The following DNAJA2 variants were observed in gnomAD, a reference collection of about 807,000 sequenced individuals.
DNAJA2 encodes the protein dnaJ homolog subfamily A member 2.
In DNAJA2, 6 loss-of-function variants were observed where a neutral mutation model predicts 49.3. The observed-to-expected ratio is 0.12, with a 90% CI of 0.07 to 0.24. The LOEUF (loss-of-function observed/expected upper bound fraction) is 0.24. Ranked by LOEUF, DNAJA2 falls within the 10% of genes least tolerant of loss-of-function variation. DNAJA2 has a pLI of 1.00. For synonymous variants in DNAJA2, 160 were observed against 172.7 expected, an observed-to-expected ratio of 0.93 and a Z score of 0.58; for missense variants, 347 against 516.8, an observed-to-expected ratio of 0.67 and a Z score of 3.19.
intron 5 of DNAJA2, among the ~76,000 whole-genome samples, chr16:46,967,236 C>T (rs1209799115): frequency 6.6e-6 from 1 of 151,896 alleles, no homozygotes; most frequent in Non-Finnish European, 1.5e-5. Context: ...ACAGACATGC[C>T]CTGAGCCCCT....
At position 46,968,294 on chromosome 16, in the gene DNAJA2, A is replaced by T. The variant is rs1486552519; in HGVS notation, c.363-130T>A. On this transcript the variant is annotated intron_variant, in intron 3 of 8. Transcript: ENST00000317089. ...GAATTCAAAAACACCTCATAATCTC[A>T]CATTAAATCAATTAAACTGAGGCTT... 3 of 589,738 alleles carry T rather than the reference A, an allele frequency of 5.1e-6. No individual in the cohort carries two copies. The African/African-American group carries it at 5.8e-5, about 11-fold the overall frequency. The allele number at this position is 589,738 out of a possible 1,614,324, so 36.5% of individuals were successfully genotyped here. A position where few individuals can be genotyped will look rare whatever the true frequency, so the allele number is the denominator to read the frequency against.
rs1281927089 is a variant in DNAJA2 at position 46,973,641 on chromosome 16, G to A, written c.-69C>T. The A allele has an allele frequency of 6.6e-7, 1 of 1,509,624 alleles. No individual in the cohort carries two copies. Among genetic ancestry groups the A allele is most frequent in the Non-Finnish European group, 8.9e-7 (1 of 1,119,740 alleles). The allele number at this position is 1,509,624 out of a possible 1,614,324, so 93.5% of individuals were successfully genotyped here. A position where few individuals can be genotyped will look rare whatever the true frequency, so the allele number is the denominator to read the frequency against. On this transcript the variant is annotated 5_prime_UTR_variant, in exon 1 of 9. Transcript: ENST00000317089. ...ACAGAGCGGAGTCGGGCCCACAAGC[G>A]GCGTCGGCGGCGGCACAGGCCGAGG...
intron 5 of DNAJA2, among the ~76,000 whole-genome samples, chr16:46,966,229 C>CA (rs1961968232): frequency 6.6e-6 from 1 of 151,944 alleles, no homozygotes; most frequent in African/African-American, 2.4e-5. Flanking sequence ...ACCCTATCTC[C>CA]AAAAATAATA....
At position 46,956,626 on chromosome 16, in the gene DNAJA2, G is replaced by A. The variant is rs1961817493; in HGVS notation, c.*403C>T. ...GAAATTCTTTATTCTATTTGTAGCA[G>A]CTTATGCAGGTGCAGCCAAACACAA... On this transcript the variant is annotated 3_prime_UTR_variant, in exon 9 of 9. Coordinates refer to ENST00000317089, the MANE Select transcript of DNAJA2 (RefSeq NM_005880.4). The A allele has an allele frequency of 5.8e-6, 1 of 172,928 alleles. No individual in the cohort carries two copies. The highest frequency in any genetic ancestry group is 2.4e-5 in the African/African-American group (1 of 41,582). The allele number at this position is 172,928 out of a possible 1,614,324, so 10.7% of individuals were successfully genotyped here.
At chr16:46,963,514 C>CAA (rs202162145) in intron 6 of DNAJA2, among the ~76,000 whole-genome samples, 156 of 105,062 alleles carry the variant, frequency 1.5e-3, no homozygotes, top group African/African-American at 3.7e-3. Flanking sequence ...ACTAAAAATA[C>CAA]AAAAAAAAAA....
In DNAJA2 at chr16:46,959,290, T is replaced by C; in HGVS notation, c.904A>G (p.Lys302Glu). The C allele has an allele frequency of 6.2e-7, 1 of 1,613,304 alleles. No individual in the cohort carries two copies. The highest frequency in any genetic ancestry group is 8.5e-7 in the Non-Finnish European group (1 of 1,179,752). Reference protein sequence around the residue: ...RQIVVKYPPGKVIEPGCVRVV... With the variant: ...RQIVVKYPPGEVIEPGCVRVV... ...CAAGATTTACCTGGTTCAATTACTTTGCCAGGGGGGTATTTCACCACAATC... is the reference window on the plus strand; with the variant it reads ...CAAGATTTACCTGGTTCAATTACTTCGCCAGGGGGGTATTTCACCACAATC... Residue 302 changes from lysine to glutamate, a missense_variant, in exon 7 of 9, where the codon AAA (lysine) becomes GAA (glutamate). By Grantham distance (56) the Lys-to-Glu change is moderately conservative (BLOSUM62 1). Transcript: ENST00000317089.
rs909609991 is a variant in DNAJA2 at position 46,973,663 on chromosome 16, G to A, written c.-91C>T. On this transcript the variant is annotated 5_prime_UTR_variant, in exon 1 of 9. Transcript: ENST00000317089. ...AGCGGCGTCGGCGGCGGCACAGGCC[G>A]AGGGAGACAGCGAGGGGGAAGCGGG... 4 of 1,355,646 alleles carry A rather than the reference G, an allele frequency of 3.0e-6. No individual in the cohort carries two copies. The East Asian group carries it at 8.0e-5, about 27-fold the overall frequency. The allele number at this position is 1,355,646 out of a possible 1,614,324, so 84.0% of individuals were successfully genotyped here.
At chr16:46,960,084 G>C (rs186201465) in intron 6 of DNAJA2, among the ~76,000 whole-genome samples, 1 of 152,326 alleles carries the variant, frequency 6.6e-6, no homozygotes, top group East Asian at 1.9e-4. Context: ...TGCAATTTTT[G>C]CTTAGATTTT....
At chr16:46,964,172 G>A (rs778236225) in intron 6 of DNAJA2, among the ~76,000 whole-genome samples, 7 of 152,176 alleles carry the variant, frequency 4.6e-5, no homozygotes, top group Non-Finnish European at 1.0e-4. Context: ...TTGGGAGCTT[G>A]AGACCAGCCT....
intron 8 of DNAJA2, 68 bp downstream of exon 8, chr16:46,958,934 TG>T (rs1961856916): frequency 7.2e-6 from 11 of 1,522,374 alleles, no homozygotes; most frequent in Non-Finnish European, 9.7e-6. Context: ...ACAGAGACCC[TG>T]TCTAAAAAAC....
Position 46,957,106 on chromosome 16 carries a change from G to T in DNAJA2, c.1162C>A (p.Arg388Ser). 6.2e-7 allele frequency: 1 copy of T among 1,614,094 alleles called. No homozygotes were observed. Among genetic ancestry groups the T allele is most frequent in the Middle Eastern group, 1.6e-4 (1 of 6,062 alleles). The change falls in exon 9 of 9, where the codon CGT becomes AGT. Residue 388 changes from arginine (R) to serine (S), a missense_variant. By Grantham distance (110) the Arg-to-Ser change is moderately radical. Coordinates refer to ENST00000317089, the MANE Select transcript of DNAJA2 (RefSeq NM_005880.4). ...TCAGAGCTATCATTATAGGCTTCAC[G>T]CCTCTGACCACCTCCTGAGCCTCGA... is the stretch of plus-strand genomic sequence containing the variant. ...STRGSGGGQR[R>S]EAYNDSSDEE...
Position 46,956,366 on chromosome 16 carries a change from A to T in DNAJA2, c.*663T>A, listed in dbSNP as rs922134971. ...TTCTTTTATGTTTTTCCTTCTAAAA[A>T]TGTGACACAAAAGAATAATTTACAC... On this transcript the variant is annotated 3_prime_UTR_variant, in exon 9 of 9. Coordinates refer to ENST00000317089, the MANE Select transcript of DNAJA2 (RefSeq NM_005880.4). The T allele has an allele frequency of 1.3e-5, 2 of 152,252 alleles. No individual in the cohort carries two copies. The highest frequency in any genetic ancestry group is 4.8e-5 in the African/African-American group (2 of 41,418). The allele number at this position is 152,252 out of a possible 1,614,324, so 9.4% of individuals were successfully genotyped here.
Position 46,973,542 on chromosome 16 carries a change from C to G in DNAJA2, c.31G>C (p.Asp11His). The change falls in exon 1 of 9, where the codon GAC becomes CAC. Residue 11 changes from aspartate (D) to histidine (H), a missense_variant. Coordinates refer to ENST00000317089, the MANE Select transcript of DNAJA2 (RefSeq NM_005880.4). MANVADTKLY[D>H]ILGVPPGASE... ...GCGCCGGGCGGGACGCCCAGGATGT[C>G]GTACAGCTTCGTGTCAGCCACGTTA... The G allele has an allele frequency of 6.2e-7, 1 of 1,602,474 alleles. No individual in the cohort carries two copies. Among genetic ancestry groups the G allele is most frequent in the South Asian group, 1.1e-5 (1 of 89,966 alleles).
intron 3 of DNAJA2, among the ~76,000 whole-genome samples, chr16:46,970,999 CT>C: frequency 6.6e-6 from 1 of 151,466 alleles, no homozygotes; most frequent in East Asian, 1.9e-4. Flanking sequence ...GATTGTGCCA[CT>C]GCACTCCATC....
chr16:46,971,465 A>G lies in DNAJA2; in HGVS notation c.246T>C (p.Gly82=). 6.2e-7 allele frequency: 1 copy of G among 1,614,048 alleles called. No individual in the cohort carries two copies. Among genetic ancestry groups the G allele is most frequent in the Non-Finnish European group, 8.5e-7 (1 of 1,179,990 alleles). ...TGTGAGAGAAAATATCATCCATGCC[A>G]CCACCTCCGCCGCTGCCTTCCCGAA... ...QGLREGSGGG[G]GMDDIFSHIF... The change falls in exon 3 of 9, where the codon GGT becomes GGC. Residue 82 remains glycine (G), a synonymous_variant. Coordinates refer to ENST00000317089, the MANE Select transcript of DNAJA2 (RefSeq NM_005880.4).
chr16:46,962,162 G>T (rs949128458), intron 6 of DNAJA2, among the ~76,000 whole-genome samples: 13 of 152,080 alleles, frequency 8.5e-5, no homozygotes, highest in African/African-American at 3.1e-4. Flanking sequence ...CCTCCCCACA[G>T]GCCCCAAGAA....
chr16:46,967,398 T>G (rs1174398164), intron 5 of DNAJA2, 115 bp downstream of exon 5: 2 of 1,368,232 alleles, frequency 1.5e-6, no homozygotes, highest in Non-Finnish European at 2.0e-6. Flanking sequence ...CGGCCTCCTT[T>G]TTCTTTAATA....
chr16:46,959,470 C>T (rs1961864544), intron 6 of DNAJA2, 51 bp from the exon 7 acceptor site: 5 of 1,497,518 alleles, frequency 3.3e-6, no homozygotes, highest in Non-Finnish European at 3.7e-6. Flanking sequence ...TATGGAGGTA[C>T]ACCCTGCAGC....
In DNAJA2 at chr16:46,973,587, C is replaced by A; in HGVS notation, c.-15G>T. The A allele has an allele frequency of 6.3e-7, 1 of 1,590,030 alleles. No homozygotes were observed. Among genetic ancestry groups the A allele is most frequent in the Non-Finnish European group, 8.5e-7 (1 of 1,174,072 alleles). On this transcript the variant is annotated 5_prime_UTR_variant, in exon 1 of 9. Transcript: ENST00000317089. ...ACGTTAGCCATGGCGGCCGGCCGGG[C>A]AGTGCTCGGGGAGAAGGTGGCGAAG...
Sources: gnomAD v4.1 joint callset for allele counts (sites outside exome capture counted in the v4.1 genomes callset) on GRCh38, gnomAD v4.1.1 for gene constraint, MANE v1.5 for transcripts, NCBI Gene and HGNC (gene_info 2026-07-23, HGNC 2026-07-21) for gene names.